ZNF613: variants seen among roughly 807,000 people sequenced by gnomAD.
ZNF613 encodes zinc finger protein 613.
A neutral mutation model predicts 14.3 loss-of-function variants in ZNF613; 8 were observed. The observed-to-expected ratio is 0.56, with a 90% CI of 0.33 to 1.01. ZNF613 has a LOEUF of 1.01. ZNF613 is among the 50% of genes least tolerant of loss of function. The probability of loss-of-function intolerance (pLI) is 0.03; values close to 1 mark genes in which losing one functional copy is unlikely to be tolerated. For missense variants in ZNF613, 656 were observed against 741.9 expected (o/e 0.88, Z 1.35); for synonymous variants, 228 against 254.5 (o/e 0.90, Z 0.99).
At chr19:51,931,594 A>G (rs981500149) in intron 2 of ZNF613, among the ~76,000 whole-genome samples, 10 of 152,244 alleles carry the variant, frequency 6.6e-5, no homozygotes, top group Admixed American at 6.5e-4. Flanking sequence ...ATAGTTTCAT[A>G]GAACTTTTTT....
Position 51,945,508 on chromosome 19 carries a change from G to A in ZNF613, c.1625G>A (p.Gly542Asp). Reference sequence around the variant, plus strand: ...CTGCATGCAAGAGAGAAATGTGTAGGTTCAGTCAAATTGGAAAATCCTTGC... The same window carrying A: ...CTGCATGCAAGAGAGAAATGTGTAGATTCAGTCAAATTGGAAAATCCTTGC... ...GMLHAREKCV[G>D]SVKLENPCSE... The change falls in exon 6 of 6, where the codon GGT becomes GAT. Residue 542 changes from glycine to aspartate, a missense_variant. Coordinates refer to ENST00000293471, the MANE Select transcript of ZNF613 (RefSeq NM_001031721.4). 1 of 1,614,152 alleles carries A rather than the reference G, an allele frequency of 6.2e-7. No individual in the cohort carries two copies. Among genetic ancestry groups the A allele is most frequent in the Non-Finnish European group, 8.5e-7 (1 of 1,180,010 alleles).
chr19:51,941,184 G>T (rs1288938051), intron 5 of ZNF613, among the ~76,000 whole-genome samples: 3 of 152,148 alleles, frequency 2.0e-5, no homozygotes, highest in African/African-American at 7.2e-5. Context: ...CACCTGCTTT[G>T]GCCTCCCAAA....
At chr19:51,932,023 GA>G (rs1177492779) in intron 2 of ZNF613, among the ~76,000 whole-genome samples, 2 of 152,184 alleles carry the variant, frequency 1.3e-5, no homozygotes, top group Non-Finnish European at 2.9e-5. Context: ...GAGATAGAGA[GA>G]AGGGGGGGTG....
At position 51,938,725 on chromosome 19, in the gene ZNF613, GATATAT is replaced by G. The variant is rs113608259; in HGVS notation, c.16-1463_16-1458del. ...AAAAGTAAGTATATAAATGTACATGGATATATATATATATATATATATATATGTGCA... is the reference window on the plus strand; with the variant it reads ...AAAAGTAAGTATATAAATGTACATGGATATATATATATATATATATGTGCA... On this transcript the variant is annotated intron_variant, in intron 3 of 5. Transcript: ENST00000293471. Among the ~76,000 whole-genome samples the G allele has an allele frequency of 3.1e-4, 37 of 118,880 alleles. 3 individuals carry two copies. Among genetic ancestry groups the G allele is most frequent in the African/African-American group, 1.0e-3 (25 of 25,060 alleles). 78.0% of individuals were successfully genotyped at this position (118,880 alleles called of 152,430 possible).
Position 51,944,806 on chromosome 19 carries a change from G to A in ZNF613, c.923G>A (p.Arg308Lys). Residue 308 changes from arginine to lysine, a missense_variant, in exon 6 of 6, where the codon AGA becomes AAA. Transcript: ENST00000293471. The stretch of plus-strand genomic sequence containing the variant: ...AAGTCTCGGCTCATTAATCATCAGA[G>A]AGTTCATACAGGAGAGAAACCACAT... ...IKKSRLINHQ[R>K]VHTGEKPHGC... 1 of 1,613,844 alleles carries A rather than the reference G, an allele frequency of 6.2e-7. No individual in the cohort carries two copies. The highest frequency in any genetic ancestry group is 8.5e-7 in the Non-Finnish European group (1 of 1,180,016).
intron 2 of ZNF613, among the ~76,000 whole-genome samples, chr19:51,935,108 C>T (rs1435017308): frequency 6.6e-6 from 1 of 152,094 alleles, no homozygotes; most frequent in African/African-American, 2.4e-5. Context: ...GTGACTCCAT[C>T]CAGTTGATGC....
intron 2 of ZNF613, among the ~76,000 whole-genome samples, chr19:51,932,042 A>C (rs373808708): frequency 6.6e-6 from 1 of 152,194 alleles, no homozygotes; most frequent in East Asian, 1.9e-4. Flanking sequence ...GTGATTGTCG[A>C]GTAATTGTCA....
At chr19:51,942,763 A>G (rs2085361143) in intron 5 of ZNF613, 1 of 148,462 alleles carries the variant, frequency 6.7e-6, no homozygotes, top group Non-Finnish European at 1.5e-5. Context: ...CAGTGCTGTG[A>G]TCTCAGCTCA....
At chr19:51,937,373 T>C (rs1304007091) in intron 3 of ZNF613, among the ~76,000 whole-genome samples, 1 of 152,190 alleles carries the variant, frequency 6.6e-6, no homozygotes, top group Non-Finnish European at 1.5e-5. Context: ...ATCTAATCGT[T>C]GGACACCTAT....
intron 2 of ZNF613, among the ~76,000 whole-genome samples, chr19:51,933,031 G>A (rs1599903062): frequency 6.6e-6 from 1 of 152,234 alleles, no homozygotes; most frequent in African/African-American, 2.4e-5. Context: ...ATTGTGTGCT[G>A]GGCTACTCCT....
Position 51,945,528 on chromosome 19 carries a change from C to A in ZNF613, c.1645C>A (p.Pro549Thr). 1 of 1,614,122 alleles carries A rather than the reference C, an allele frequency of 6.2e-7. No homozygotes were observed. Among genetic ancestry groups the A allele is most frequent in the Non-Finnish European group, 8.5e-7 (1 of 1,180,026 alleles). Residue 549 changes from proline to threonine, a missense_variant, in exon 6 of 6, where the codon CCT (proline) becomes ACT (threonine). Physicochemically the swap from Pro to Thr is conservative, Grantham distance 38. Coordinates refer to ENST00000293471, the MANE Select transcript of ZNF613 (RefSeq NM_001031721.4). ...KCVGSVKLEN[P>T]CSESHSLSHT... ...TGTAGGTTCAGTCAAATTGGAAAAT[C>A]CTTGCTCAGAGAGTCATAGCTTATC...
At chr19:51,934,481 A>G (rs1243128632) in intron 2 of ZNF613, among the ~76,000 whole-genome samples, 1 of 152,172 alleles carries the variant, frequency 6.6e-6, no homozygotes, top group African/African-American at 2.4e-5. Context: ...AAATGTGTAC[A>G]TATTGAAAAA....
In ZNF613 at chr19:51,931,996, G is replaced by A. The variant is rs370398269; in HGVS notation, c.-194+2100G>A. On this transcript the variant is annotated intron_variant, in intron 2 of 5. Coordinates refer to ENST00000293471, the MANE Select transcript of ZNF613 (RefSeq NM_001031721.4). ...GGCTCTGAGCTTTACACAGCTCTCCGTATTTATTAGGCAAAAGAGATAGAG... is the reference window on the plus strand; with the variant it reads ...GGCTCTGAGCTTTACACAGCTCTCCATATTTATTAGGCAAAAGAGATAGAG... Among the ~76,000 whole-genome samples, 21 of 152,234 alleles carry A rather than the reference G, an allele frequency of 1.4e-4. No homozygotes were observed. The East Asian group carries it at 3.1e-3, about 22-fold the overall frequency.
At chr19:51,944,050 T>TACAAG (rs1289474035) in intron 5 of ZNF613, 69 bp from the exon 6 acceptor site, 2 of 1,384,880 alleles carry the variant, frequency 1.4e-6, no homozygotes, top group African/African-American at 2.9e-5. Context: ...AGCCAGCCTG[T>TACAAG]ACAAGACTGT....
At chr19:51,938,980 A>T (rs917731601) in intron 3 of ZNF613, among the ~76,000 whole-genome samples, 1 of 151,690 alleles carries the variant, frequency 6.6e-6, no homozygotes, top group Admixed American at 6.6e-5. Flanking sequence ...GTATGTATAT[A>T]TATGTATATA....
At chr19:51,929,061 C>T (rs1179861708) in intron 1 of ZNF613, among the ~76,000 whole-genome samples, 3 of 152,040 alleles carry the variant, frequency 2.0e-5, no homozygotes, top group Non-Finnish European at 4.4e-5. Flanking sequence ...CCAGTAATGA[C>T]TTTTGATAAG....
rs758524354 is a variant in ZNF613 at position 51,945,032 on chromosome 19, GAA to G, written c.1150_1151del (p.Lys384GlyfsTer20). ...CRDCGKGFIQ[K>X]GNLIVHQRIH... The stretch of plus-strand genomic sequence containing the variant: ...GTGATTGTGGAAAAGGCTTCATTCA[GAA>G]GGGAAATCTCATTGTACATCAGCGA... On this transcript the variant is annotated frameshift_variant, in exon 6 of 6. Coordinates refer to ENST00000293471, the MANE Select transcript of ZNF613 (RefSeq NM_001031721.4). LOFTEE classifies it low-confidence loss of function (END_TRUNC). 1 of 1,614,160 alleles carries G rather than the reference GAA, an allele frequency of 6.2e-7. No individual in the cohort carries two copies. Among genetic ancestry groups the G allele is most frequent in the South Asian group, 1.1e-5 (1 of 91,088 alleles).
intron 2 of ZNF613, among the ~76,000 whole-genome samples, chr19:51,934,219 T>C (rs2085289011): frequency 6.6e-6 from 1 of 152,224 alleles, no homozygotes; most frequent in Non-Finnish European, 1.5e-5. Context: ...TTGATAGTTT[T>C]TTTACTTGAG....
intron 2 of ZNF613, among the ~76,000 whole-genome samples, chr19:51,934,979 A>T (rs2085294520): frequency 6.6e-6 from 1 of 152,154 alleles, no homozygotes; most frequent in Non-Finnish European, 1.5e-5. Context: ...AGGGAAGGGG[A>T]GCATTTGCAG....
Sources: gnomAD v4.1 joint callset for allele counts (sites outside exome capture counted in the v4.1 genomes callset) on GRCh38, gnomAD v4.1.1 for gene constraint, MANE v1.5 for transcripts, NCBI Gene and HGNC (gene_info 2026-07-23, HGNC 2026-07-21) for gene names.